The following LRP1B variants were observed in gnomAD, a reference collection of about 807,000 sequenced individuals.
LRP1B encodes low-density lipoprotein receptor-related protein 1B.
LRP1B carries 217 observed loss-of-function variants against 556.6 expected under a neutral mutation model. The observed-to-expected ratio is 0.39, with a 90% confidence interval of 0.35 to 0.44. LRP1B has a LOEUF of 0.44. LRP1B is among the 20% of genes least tolerant of loss of function. The pLI, the probability that LRP1B is intolerant of heterozygous loss-of-function variation, is 1.00. For missense variants in LRP1B, 5,053 were observed against 5,620.8 expected, an observed-to-expected ratio of 0.90 and a Z score of 3.23; for synonymous variants, 2,047 against 1,865.8, an observed-to-expected ratio of 1.10 and a Z score of -2.50.
At chr2:140,264,496 C>G (rs938940277) in intron 86 of LRP1B, among the ~76,000 whole-genome samples, 5 of 152,014 alleles carry the variant, frequency 3.3e-5, no homozygotes, top group Non-Finnish European at 7.4e-5. Flanking sequence ...TCAAGTGATC[C>G]GCCCACCTCG....
chr2:141,316,637 A>T (rs1177782853), intron 3 of LRP1B, among the ~76,000 whole-genome samples: 7 of 152,194 alleles, frequency 4.6e-5, no homozygotes, highest in Non-Finnish European at 8.8e-5. Flanking sequence ...ATATATGTCA[A>T]AAGAAGTTCT....
intron 3 of LRP1B, among the ~76,000 whole-genome samples, chr2:141,420,156 T>C (rs983357904): frequency 1.3e-5 from 2 of 152,358 alleles, no homozygotes; most frequent in South Asian, 2.1e-4. Context: ...CTTTCAGTTA[T>C]GCCATTGTAC....
chr2:141,359,062 T>G (rs1688725697), intron 3 of LRP1B, among the ~76,000 whole-genome samples: 1 of 152,206 alleles, frequency 6.6e-6, no homozygotes, highest in Admixed American at 6.5e-5. Context: ...AATCTATGAT[T>G]ACAATCATAA....
chr2:141,145,922 C>CTCTTT (rs1701773388), intron 7 of LRP1B, among the ~76,000 whole-genome samples: 2 of 67,206 alleles, frequency 3.0e-5, no homozygotes, highest in Non-Finnish European at 5.4e-5. Context: ...TTCTTTCTTT[C>CTCTTT]TTTTTTTTTT....
chr2:140,575,091 A>T (rs1208909871), intron 43 of LRP1B, among the ~76,000 whole-genome samples: 1 of 152,088 alleles, frequency 6.6e-6, no homozygotes, highest in Non-Finnish European at 1.5e-5. Context: ...CGCCCTGGGG[A>T]TGCTTTATAA....
At chr2:140,730,778 C>T (rs576357443) in intron 35 of LRP1B, among the ~76,000 whole-genome samples, 33 of 152,106 alleles carry the variant, frequency 2.2e-4, no homozygotes, top group Non-Finnish European at 3.5e-4. Context: ...AGACTGGTCT[C>T]GAACTCCTGA....
intron 1 of LRP1B, among the ~76,000 whole-genome samples, chr2:141,840,409 A>G (rs939795135): frequency 1.4e-5 from 2 of 148,040 alleles, no homozygotes; most frequent in African/African-American, 5.0e-5. Context: ...GACTGCAGGC[A>G]CCCGCCACTA....
At chr2:141,044,610 G>A (rs1698811599) in intron 11 of LRP1B, among the ~76,000 whole-genome samples, 1 of 151,728 alleles carries the variant, frequency 6.6e-6, no homozygotes, top group Admixed American at 6.6e-5. Flanking sequence ...AGTGGGCAAA[G>A]GACATGAACA....
At chr2:140,567,876 C>A (rs1040996207) in intron 43 of LRP1B, among the ~76,000 whole-genome samples, 2 of 152,162 alleles carry the variant, frequency 1.3e-5, no homozygotes, top group African/African-American at 4.8e-5. Context: ...ATGTTGATTG[C>A]TGCTTAAGAA....
intron 3 of LRP1B, among the ~76,000 whole-genome samples, chr2:141,475,045 A>T (rs1211037433): frequency 6.6e-6 from 1 of 152,182 alleles, no homozygotes. Context: ...AGATGCTGCC[A>T]CAGAGACTGT....
intron 32 of LRP1B, among the ~76,000 whole-genome samples, chr2:140,787,226 T>C (rs763154709): frequency 1.3e-5 from 2 of 152,224 alleles, no homozygotes; most frequent in African/African-American, 2.4e-5. Context: ...TGGGTTAATA[T>C]AGAGTTGATA....
rs1682968620 is a variant in LRP1B at position 140,370,975 on chromosome 2, A to G, written c.10876-133T>C. 4 of 1,035,312 alleles carry G rather than the reference A, an allele frequency of 3.9e-6. No homozygotes were observed. In the Admixed American group the frequency reaches 1.1e-4, roughly 28 times the overall value. The allele number at this position is 1,035,312 out of a possible 1,614,324, so 64.1% of individuals were successfully genotyped here. ...TTTCTTTCATTTTGTCTTAATGAAT[A>G]TAACTTCTACAAATGAGAATGAGCT... On this transcript the variant is annotated intron_variant, in intron 70 of 90. Coordinates refer to ENST00000389484, the MANE Select transcript of LRP1B (RefSeq NM_018557.3).
At chr2:140,483,640 A>ATATATATATT (rs1491228405) in intron 59 of LRP1B, among the ~76,000 whole-genome samples, 7 of 70,736 alleles carry the variant, frequency 9.9e-5, no homozygotes, top group South Asian at 5.2e-4. Context: ...ATATATATAT[A>ATATATATATT]TTTTTTTTTT....
chr2:140,678,094 G>T (rs933380143), intron 41 of LRP1B, among the ~76,000 whole-genome samples: 2 of 152,050 alleles, frequency 1.3e-5, no homozygotes, highest in Non-Finnish European at 2.9e-5. Context: ...TCTTATTTTA[G>T]AGTCTAGATT....
intron 41 of LRP1B, among the ~76,000 whole-genome samples, chr2:140,671,617 A>G (rs1287089171): frequency 6.6e-6 from 1 of 152,182 alleles, no homozygotes; most frequent in Non-Finnish European, 1.5e-5. Flanking sequence ...CTTCAGGTGC[A>G]TTACTCGCAC....
chr2:142,113,569 T>C (rs2104993908), intron 1 of LRP1B, among the ~76,000 whole-genome samples: 1 of 151,194 alleles, frequency 6.6e-6, no homozygotes, highest in African/African-American at 2.4e-5. Context: ...ACCAGAAATT[T>C]TAAAACAAAA....
chr2:141,467,091 CATATATATGTGT>C (rs1682240765), intron 3 of LRP1B, among the ~76,000 whole-genome samples: 1 of 108,268 alleles, frequency 9.2e-6, no homozygotes, highest in Non-Finnish European at 1.9e-5. Context: ...CACACACACA[CATATATATGTGT>C]ATATATATAT....
At chr2:140,308,541 C>T (rs1267887320) in intron 83 of LRP1B, among the ~76,000 whole-genome samples, 13 of 151,914 alleles carry the variant, frequency 8.6e-5, no homozygotes, top group East Asian at 1.9e-4. Context: ...TGAACCATGA[C>T]GCTTACCCCC....
intron 2 of LRP1B, among the ~76,000 whole-genome samples, chr2:141,673,129 A>G (rs1694753909): frequency 6.6e-6 from 1 of 152,094 alleles, no homozygotes; most frequent in Non-Finnish European, 1.5e-5. Context: ...CCATTTTACC[A>G]TTTTCCTTTT....
Sources: gnomAD v4.1 joint callset for allele counts (sites outside exome capture counted in the v4.1 genomes callset) on GRCh38, gnomAD v4.1.1 for gene constraint, MANE v1.5 for transcripts, NCBI Gene and HGNC (gene_info 2026-07-23, HGNC 2026-07-21) for gene names.